Variants in FMO2 observed in about 807,000 individuals in gnomAD.
FMO2 encodes the protein flavin containing dimethylaniline monoxygenase 2.
Under a neutral mutation model 41.6 loss-of-function variants are expected in FMO2, and 33 were observed. The observed-to-expected ratio is 0.79, with a 90% CI of 0.60 to 1.06. FMO2 has a LOEUF of 1.06. FMO2 is among the 50% of genes least tolerant of loss of function. The pLI is 0.00. For missense variants in FMO2, 619 were observed against 632.9 expected, an observed-to-expected ratio of 0.98 and a Z score of 0.23; for synonymous variants, 214 against 219.6, an observed-to-expected ratio of 0.97 and a Z score of 0.23.
chr1:171,192,144 T>A (rs1179997403), intron 2 of FMO2, among the ~76,000 whole-genome samples: 3 of 152,156 alleles, frequency 2.0e-5, no homozygotes, highest in African/African-American at 7.2e-5. Context: ...GCCAATGACA[T>A]TACATTCAAT....
intron 4 of FMO2, among the ~76,000 whole-genome samples, chr1:171,198,658 G>A (rs565649365): frequency 6.6e-5 from 10 of 152,174 alleles, no homozygotes; most frequent in South Asian, 2.1e-4. Context: ...TGATCCGCCC[G>A]CCTTGGCCTC....
chr1:171,191,569 TTTAAG>T (rs1658083152), intron 2 of FMO2, among the ~76,000 whole-genome samples: 1 of 152,110 alleles, frequency 6.6e-6, no homozygotes. Flanking sequence ...TTGTTGCATG[TTTAAG>T]TTATTAATGA....
At chr1:171,203,816 TA>T (rs751464755) in intron 5 of FMO2, 48 bp from the exon 6 acceptor site, 1 of 1,530,952 alleles carries the variant, frequency 6.5e-7, no homozygotes, top group Non-Finnish European at 9.0e-7. Context: ...AGATTCCTCC[TA>T]AACGGGACAA....
chr1:171,207,576 A>T, intron 7 of FMO2, 142 bp from the exon 8 acceptor site: 1 of 651,366 alleles, frequency 1.5e-6, no homozygotes, highest in Non-Finnish European at 2.8e-6. Context: ...TGGGGGTGGC[A>T]CCCCCTGAAG....
chr1:171,208,277 G>A (rs16864191), intron 8 of FMO2, among the ~76,000 whole-genome samples: 17,659 of 152,066 alleles, frequency 0.12, 1,986 homozygotes, highest in African/African-American at 0.3. Context: ...AACAGTGATC[G>A]AGTACCCTTG....
chr1:171,191,403 A>C (rs1430629579), intron 2 of FMO2, among the ~76,000 whole-genome samples: 1 of 152,218 alleles, frequency 6.6e-6, no homozygotes, highest in Non-Finnish European at 1.5e-5. Flanking sequence ...GTAGTATAAC[A>C]GTCTTAGTTT....
chr1:171,195,179 T>C (rs1299225710), intron 3 of FMO2, among the ~76,000 whole-genome samples: 1 of 152,196 alleles, frequency 6.6e-6, no homozygotes, highest in Non-Finnish European at 1.5e-5. Context: ...GAAGAAAGGT[T>C]TCTGTTTATT....
At chr1:171,203,722 G>C in intron 5 of FMO2, 143 bp from the exon 6 acceptor site, 1 of 687,844 alleles carries the variant, frequency 1.5e-6, no homozygotes, top group Non-Finnish European at 2.5e-6. Flanking sequence ...TATTTAGGAG[G>C]TACTTTACAT....
rs1221152398 is a variant in FMO2 at position 171,209,066 on chromosome 1, T to C, written c.1529T>C (p.Phe510Ser). The change falls in exon 9 of 9, where the codon TTC (phenylalanine) becomes TCC (serine). Residue 510 changes from phenylalanine (F) to serine (S), a missense_variant. Physicochemically the swap from Phe to Ser is radical, Grantham distance 155. Coordinates refer to ENST00000209929, the MANE Select transcript of FMO2 (RefSeq NM_001460.5). ...KTRALKDSSN[F>S]SVSFLLKILG... is the part of the protein sequence containing the mutation. Reference sequence around the variant, plus strand: ...CGGGCCCTGAAGGATTCATCTAATTTCTCAGTTTCTTTTCTGTTGAAAATC... The same window carrying C: ...CGGGCCCTGAAGGATTCATCTAATTCCTCAGTTTCTTTTCTGTTGAAAATC... 1.8e-6 allele frequency: 2 copies of C among 1,119,440 alleles called. No homozygotes were observed. Among genetic ancestry groups the C allele is most frequent in the Non-Finnish European group, 2.6e-6 (2 of 783,026 alleles). The allele number at this position is 1,119,440 out of a possible 1,614,324, so 69.3% of individuals were successfully genotyped here. A position where few individuals can be genotyped will look rare whatever the true frequency, so the allele number is the denominator to read the frequency against.
chr1:171,197,224 G>T (rs1200228411), intron 4 of FMO2, among the ~76,000 whole-genome samples: 2 of 152,182 alleles, frequency 1.3e-5, no homozygotes, highest in Non-Finnish European at 2.9e-5. Flanking sequence ...GATGGGGAGA[G>T]AAGTGCAGGA....
chr1:171,198,440 C>T (rs1270338542), intron 4 of FMO2, among the ~76,000 whole-genome samples: 4 of 148,928 alleles, frequency 2.7e-5, no homozygotes, highest in Non-Finnish European at 4.4e-5. Flanking sequence ...TGGAGTCTCA[C>T]TGTCACCCAG....
At position 171,209,149 on chromosome 1, in the gene FMO2, G is replaced by T; in HGVS notation, c.*4G>T. 2.0e-6 allele frequency: 1 copy of T among 493,132 alleles called. No homozygotes were observed. The allele number at this position is 493,132 out of a possible 1,614,324, so 30.5% of individuals were successfully genotyped here. A position where few individuals can be genotyped will look rare whatever the true frequency, so the allele number is the denominator to read the frequency against. The stretch of plus-strand genomic sequence containing the variant: ...TTGCCAACTTCAATGGTCCTAGTCA[G>T]CATAATGCTTTGGGCTTTATTATCT... On this transcript the variant is annotated 3_prime_UTR_variant, in exon 9 of 9. Transcript: ENST00000209929.
chr1:171,196,681 T>A lies in FMO2; in HGVS notation c.354T>A (p.Asp118Glu), dbSNP rs1658322803. The part of the protein sequence containing the change: ...TTVLSVRKCP[D>E]FSSSGQWKVV... ...TCCTTAGTGTGAGAAAATGTCCAGATTTCTCATCCTCTGGCCAATGGAAGG... is the reference window on the plus strand; with the variant it reads ...TCCTTAGTGTGAGAAAATGTCCAGAATTCTCATCCTCTGGCCAATGGAAGG... The change falls in exon 4 of 9, where the codon GAT becomes GAA. Residue 118 changes from aspartate (D) to glutamate (E), a missense_variant. Transcript: ENST00000209929. 6.2e-7 allele frequency: 1 copy of A among 1,613,360 alleles called. No individual in the cohort carries two copies. Among genetic ancestry groups the A allele is most frequent in the Non-Finnish European group, 8.5e-7 (1 of 1,179,860 alleles).
chr1:171,198,044 G>C (rs1015476549), intron 4 of FMO2, among the ~76,000 whole-genome samples: 1 of 152,216 alleles, frequency 6.6e-6, no homozygotes, highest in African/African-American at 2.4e-5. Context: ...CTGAGAATTT[G>C]CATTTCTAAC....
chr1:171,198,098 G>A (rs150270836), intron 4 of FMO2, among the ~76,000 whole-genome samples: 1 of 152,234 alleles, frequency 6.6e-6, no homozygotes, highest in African/African-American at 2.4e-5. Context: ...CACACTTTGA[G>A]AACCAATAAT....
At chr1:171,206,644 A>G (rs1658767961) in intron 7 of FMO2, among the ~76,000 whole-genome samples, 1 of 152,194 alleles carries the variant, frequency 6.6e-6, no homozygotes, top group African/African-American at 2.4e-5. Context: ...TGGAATCTGC[A>G]TTTTAGAAAG....
chr1:171,207,967 T>C (rs1323323745), intron 8 of FMO2, among the ~76,000 whole-genome samples, 177 bp downstream of exon 8: 1 of 152,202 alleles, frequency 6.6e-6, no homozygotes, highest in Non-Finnish European at 1.5e-5. Flanking sequence ...ATCTTCTTCC[T>C]AAGCGATTCT....
chr1:171,195,332 T>G (rs1658260882), intron 3 of FMO2, among the ~76,000 whole-genome samples: 1 of 152,190 alleles, frequency 6.6e-6, no homozygotes, highest in South Asian at 2.1e-4. Flanking sequence ...ATCACCTGGA[T>G]ATCTTGTTAA....
intron 7 of FMO2, chr1:171,207,459 C>G (rs1180386872): frequency 2.8e-6 from 1 of 353,802 alleles, no homozygotes; most frequent in Non-Finnish European, 5.0e-6. Context: ...GTCATGGCTG[C>G]CAGGCTCCCA....
Sources: allele counts gnomAD v4.1 joint callset (sites outside exome capture counted in the v4.1 genomes callset), GRCh38; gene constraint gnomAD v4.1.1; transcripts MANE v1.5; gene names NCBI Gene and HGNC (gene_info 2026-07-23, HGNC 2026-07-21).